The following AGBL3 variants were observed in gnomAD, a reference collection of about 807,000 sequenced individuals.
AGBL3 encodes AGBL carboxypeptidase 3.
AGBL3 carries 68 observed loss-of-function variants against 94.5 expected under a neutral mutation model. The observed-to-expected ratio is 0.72, with a 90% CI of 0.59 to 0.88. AGBL3 has a LOEUF of 0.88. Among genes scored for constraint, AGBL3 ranks in the 40% least tolerant of loss-of-function variants. The pLI is 0.00. For synonymous variants in AGBL3, 354 were observed against 370.7 expected, an observed-to-expected ratio of 0.95 and a Z score of 0.52; for missense variants, 934 against 1,103.8, an observed-to-expected ratio of 0.85 and a Z score of 2.18.
rs577943251 is a variant in AGBL3 at position 135,053,255 on chromosome 7, ATAATGAGTGC to A, written c.1842-5909_1842-5900del. On this transcript the variant is annotated intron_variant, in intron 11 of 16. Coordinates refer to ENST00000436302, the MANE Select transcript of AGBL3 (RefSeq NM_178563.4). ...GGACAATAAAAGGAAGAACTCCCTA[ATAATGAGTGC>A]TAATTCTGAGAAGGGTTAGTGGAAA... Among the ~76,000 whole-genome samples, 15 of 152,320 alleles carry A rather than the reference ATAATGAGTGC, an allele frequency of 9.8e-5. No homozygotes were observed. In the South Asian group the frequency reaches 3.1e-3, roughly 32 times the overall value.
intron 12 of AGBL3, among the ~76,000 whole-genome samples, chr7:135,066,507 T>C (rs1017548550): frequency 1.3e-5 from 2 of 152,336 alleles, no homozygotes; most frequent in South Asian, 2.1e-4. Context: ...CCTTTATACA[T>C]TGTCAGTGAG....
At chr7:135,105,795 T>C (rs973644620) in intron 15 of AGBL3, among the ~76,000 whole-genome samples, 2 of 152,238 alleles carry the variant, frequency 1.3e-5, no homozygotes, top group African/African-American at 2.4e-5. Flanking sequence ...GGTAGTTTGA[T>C]AGGAATAGCA....
intron 4 of AGBL3, among the ~76,000 whole-genome samples, chr7:135,014,474 A>G (rs916869610): frequency 1.3e-5 from 2 of 152,186 alleles, no homozygotes; most frequent in African/African-American, 4.8e-5. Flanking sequence ...GGATCACCCA[A>G]AGATAAATCT....
chr7:135,111,342 C>A (rs1365937744), intron 15 of AGBL3, among the ~76,000 whole-genome samples: 1 of 152,184 alleles, frequency 6.6e-6, no homozygotes, highest in Non-Finnish European at 1.5e-5. Flanking sequence ...GTATACTTCT[C>A]AACCTACTGC....
At chr7:135,028,762 A>G (rs1167311478) in intron 5 of AGBL3, among the ~76,000 whole-genome samples, 2 of 152,212 alleles carry the variant, frequency 1.3e-5, no homozygotes, top group African/African-American at 4.8e-5. Context: ...CTTTGCCCAG[A>G]TCCATCAGAG....
intron 3 of AGBL3, 105 bp from the exon 4 acceptor site, chr7:134,993,388 C>T (rs1379126372): frequency 2.7e-5 from 24 of 877,440 alleles, no homozygotes; most frequent in Non-Finnish European, 3.6e-5. Context: ...TAATGATACC[C>T]ACACATTGAA....
intron 4 of AGBL3, among the ~76,000 whole-genome samples, chr7:135,015,606 T>C (rs1232502281): frequency 2.0e-5 from 3 of 151,410 alleles, no homozygotes; most frequent in African/African-American, 4.9e-5. Flanking sequence ...GTTATAATGA[T>C]AGGGTTTCAT....
chr7:135,116,260 A>C (rs1826297191), intron 16 of AGBL3, among the ~76,000 whole-genome samples: 1 of 152,226 alleles, frequency 6.6e-6, no homozygotes, highest in African/African-American at 2.4e-5. Context: ...TCACAAGCCA[A>C]TATGTAGTGG....
At chr7:135,078,448 A>T (rs1585023120) in intron 13 of AGBL3, among the ~76,000 whole-genome samples, 2 of 152,154 alleles carry the variant, frequency 1.3e-5, no homozygotes, top group East Asian at 3.9e-4. Context: ...TCTAATTGTT[A>T]CCCCTGTGTT....
intron 3 of AGBL3, among the ~76,000 whole-genome samples, chr7:134,990,471 T>C (rs1810096508): frequency 1.3e-5 from 2 of 152,218 alleles, no homozygotes; most frequent in Admixed American, 1.3e-4. Context: ...TGTGAATAGA[T>C]CAAAATTTCT....
intron 8 of AGBL3, among the ~76,000 whole-genome samples, chr7:135,040,483 T>A (rs1305770475): frequency 6.6e-6 from 1 of 152,126 alleles, no homozygotes; most frequent in Non-Finnish European, 1.5e-5. Context: ...AATTAATCAT[T>A]GTAATCCACT....
intron 15 of AGBL3, among the ~76,000 whole-genome samples, chr7:135,114,643 C>CA (rs1826074104): frequency 1.3e-5 from 2 of 152,092 alleles, no homozygotes; most frequent in Non-Finnish European, 2.9e-5. Context: ...AGAATACTCC[C>CA]ACCCCACTTC....
At chr7:135,111,600 CAA>C (rs1265155790) in intron 15 of AGBL3, among the ~76,000 whole-genome samples, 1 of 151,764 alleles carries the variant, frequency 6.6e-6, no homozygotes, top group Non-Finnish European at 1.5e-5. Context: ...TAACATTTCA[CAA>C]TAGCTATTGT....
chr7:135,134,966 C>G lies in AGBL3; in HGVS notation c.2468C>G (p.Pro823Arg). 1.3e-6 allele frequency: 2 copies of G among 1,551,062 alleles called. No individual in the cohort carries two copies. The highest frequency in any genetic ancestry group is 1.2e-5 in the South Asian group (1 of 84,010). ...TCTTCAGAATGGGTCCAGTCTAAGC[C>G]CCACAGGTCATTGGAAAGTTTATCA... Reference protein sequence around the residue: ...ANSSEWVQSKPHRSLESLSPL... With the variant: ...ANSSEWVQSKRHRSLESLSPL... Residue 823 changes from proline to arginine, a missense_variant, in exon 17 of 17, where the codon CCC (proline) becomes CGC (arginine). By Grantham distance (103) the Pro-to-Arg change is moderately radical. Coordinates refer to ENST00000436302, the MANE Select transcript of AGBL3 (RefSeq NM_178563.4).
At chr7:134,988,781 T>G (rs1467912654) in intron 2 of AGBL3, among the ~76,000 whole-genome samples, 1 of 151,648 alleles carries the variant, frequency 6.6e-6, no homozygotes, top group Non-Finnish European at 1.5e-5. Flanking sequence ...ATTACAGGCA[T>G]GTGCCACCAT....
At position 135,019,646 on chromosome 7, in the gene AGBL3, C is replaced by G. The variant is rs10248837; in HGVS notation, c.418+2487C>G. Reference sequence around the variant, plus strand: ...AAAAAGAACAAAGCTGGAGGCATCACGCTACCTGACTTCAAACTATACTAC... The same window carrying G: ...AAAAAGAACAAAGCTGGAGGCATCAGGCTACCTGACTTCAAACTATACTAC... On this transcript the variant is annotated intron_variant, in intron 5 of 16. Coordinates refer to ENST00000436302, the MANE Select transcript of AGBL3 (RefSeq NM_178563.4). 4.9e-4 allele frequency among the ~76,000 whole-genome samples: 74 copies of G among 152,202 alleles called. 1 individual carries two copies. Among genetic ancestry groups the G allele is most frequent in the African/African-American group, 1.6e-3 (68 of 41,516 alleles).
At chr7:135,134,810 C>G (rs548418384) in intron 16 of AGBL3, 31 bp from the exon 17 acceptor site, 1 of 1,538,026 alleles carries the variant, frequency 6.5e-7, no homozygotes, top group African/African-American at 1.4e-5. Context: ...CCATGATGGA[C>G]AAAAATTCAC....
At chr7:135,089,981 G>A (rs548655217) in intron 15 of AGBL3, among the ~76,000 whole-genome samples, 1 of 152,288 alleles carries the variant, frequency 6.6e-6, no homozygotes, top group South Asian at 2.1e-4. Flanking sequence ...GTGAATCTGA[G>A]GCATCCCATG....
At chr7:135,131,060 G>A (rs1402752571) in intron 16 of AGBL3, among the ~76,000 whole-genome samples, 2 of 152,056 alleles carry the variant, frequency 1.3e-5, no homozygotes, top group Admixed American at 6.6e-5. Context: ...CAAGGACTAT[G>A]TTTTTGGATT....
Sources: gnomAD v4.1 joint callset for allele counts (sites outside exome capture counted in the v4.1 genomes callset) on GRCh38, gnomAD v4.1.1 for gene constraint, MANE v1.5 for transcripts, NCBI Gene and HGNC (gene_info 2026-07-23, HGNC 2026-07-21) for gene names.